NCOR2: variants seen among roughly 807,000 people sequenced by gnomAD.
NCOR2 encodes nuclear receptor corepressor 2.
A neutral mutation model predicts 262.9 loss-of-function variants in NCOR2; 81 were observed. That is an observed-to-expected ratio of 0.31 (90% CI 0.26 to 0.37). The LOEUF is 0.37. Among genes scored for constraint, NCOR2 ranks in the 10% least tolerant of loss-of-function variants. NCOR2 has a pLI of 1.00. For synonymous variants in NCOR2, 1,659 were observed against 1,559.3 expected, an observed-to-expected ratio of 1.06 and a Z score of -1.51; for missense variants, 3,385 against 3,621.4, an observed-to-expected ratio of 0.93 and a Z score of 1.68.
In NCOR2 at chr12:124,548,713, T is replaced by C. The variant is rs993918445; in HGVS notation, c.-164-13102A>G. On this transcript the variant is annotated intron_variant, in intron 1 of 32. Transcript: ENST00000458234. The surrounding 1 kb of genome is among the most constrained non-coding windows in gnomAD (Gnocchi z 5.1). ...CAGGGTCCCCACCCCAGGGATGTTT[T>C]TGGCTGCCCCATGACTGGCTCATGG... Among the ~76,000 whole-genome samples the C allele has an allele frequency of 2.0e-5, 3 of 152,074 alleles. No individual in the cohort carries two copies. The highest frequency in any genetic ancestry group is 4.8e-5 in the African/African-American group (2 of 41,394).
chr12:124,435,101 G>A (rs12578186), intron 8 of NCOR2, among the ~76,000 whole-genome samples: 7 of 152,168 alleles, frequency 4.6e-5, no homozygotes, highest in African/African-American at 1.7e-4. Flanking sequence ...TCCTGCCTCA[G>A]GGCCTCTGCA....
At chr12:124,399,538 A>G (rs2041882148) in intron 15 of NCOR2, among the ~76,000 whole-genome samples, 1 of 152,212 alleles carries the variant, frequency 6.6e-6, no homozygotes, top group Admixed American at 6.5e-5. Context: ...AACCCCAGCT[A>G]CAATGAAATT....
At chr12:124,420,437 G>A (rs1042019630) in intron 12 of NCOR2, among the ~76,000 whole-genome samples, 4 of 152,072 alleles carry the variant, frequency 2.6e-5, no homozygotes, top group Non-Finnish European at 2.9e-5. Context: ...GCCCACAGCC[G>A]GGCAAACTCA....
Position 124,503,910 on chromosome 12 carries a change from G to A in NCOR2, c.-117-8542C>T, listed in dbSNP as rs910668228. On this transcript the variant is annotated intron_variant, in intron 1 of 46. Coordinates refer to the NCOR2 transcript ENST00000404621. This position sits in a 1 kb window ranked among gnomAD's most constrained non-coding sequence, Gnocchi z 4.3. The stretch of plus-strand genomic sequence containing the variant: ...GTCTTCATCCTGCTAATATTCCCAG[G>A]CCCTCCCACATGCCCAGCTCCATGA... Among the ~76,000 whole-genome samples, 10 of 152,210 alleles carry A rather than the reference G, an allele frequency of 6.6e-5. No individual in the cohort carries two copies. The highest frequency in any genetic ancestry group is 3.9e-4 in the Admixed American group (6 of 15,302).
Position 124,430,850 on chromosome 12 carries a change from CT to C in NCOR2, c.883-64del, listed in dbSNP as rs1434442020. On this transcript the variant is annotated intron_variant, in intron 8 of 46. Transcript: ENST00000405201. ...GCACCTGGCACCCGCCGCCTCCCCC[CT>C]GCCCACTCACATGCAGGCAGACACA... The C allele has an allele frequency of 3.4e-5, 53 of 1,536,862 alleles. No homozygotes were observed. The East Asian group carries it at 7.0e-4, about 20-fold the overall frequency.
At position 124,503,078 on chromosome 12, in the gene NCOR2, G is replaced by A. The variant is rs1416397201; in HGVS notation, c.-117-7710C>T. ...AAATACTAAGAGCTCAATCCCGGGT[G>A]CCACCCACAAGGGTGCGGTCTGCCC... On this transcript the variant is annotated intron_variant, in intron 1 of 46. Transcript: ENST00000404621. This position sits in a 1 kb window ranked among gnomAD's most constrained non-coding sequence, Gnocchi z 4.3. Among the ~76,000 whole-genome samples the A allele has an allele frequency of 6.6e-6, 1 of 152,206 alleles. No individual in the cohort carries two copies. The highest frequency in any genetic ancestry group is 1.5e-5 in the Non-Finnish European group (1 of 68,038).
chr12:124,512,539 G>T (rs1332752781), intron 1 of NCOR2, among the ~76,000 whole-genome samples: 1 of 152,206 alleles, frequency 6.6e-6, no homozygotes, highest in Non-Finnish European at 1.5e-5. Context: ...GTCTCTCTCT[G>T]ACAGGGGCTG....
At chr12:124,436,252 T>C (rs2044331286) in intron 8 of NCOR2, among the ~76,000 whole-genome samples, 1 of 152,164 alleles carries the variant, frequency 6.6e-6, no homozygotes, top group African/African-American at 2.4e-5. Flanking sequence ...GCGCTGGGCA[T>C]GACTGAGCCA....
exon 47 of NCOR2, chr12:124,325,382 C>CCCCCG (rs1555297247): frequency 2.7e-5 from 11 of 412,908 alleles, no homozygotes; most frequent in African/African-American, 2.8e-5. Flanking sequence ...ACACCGCCCC[C>CCCCCG]CCCCCCGCCC....
intron 20 of NCOR2, among the ~76,000 whole-genome samples, chr12:124,370,948 G>A (rs1342387557): frequency 6.6e-6 from 1 of 152,110 alleles, no homozygotes; most frequent in Non-Finnish European, 1.5e-5. Flanking sequence ...GATGGGAGAT[G>A]AGCCACCAAA....
intron 19 of NCOR2, among the ~76,000 whole-genome samples, chr12:124,373,903 T>TGGACAACGAGGCCAGTGCGTGC (rs1566413165): frequency 1.1e-3 from 86 of 78,394 alleles, no homozygotes; most frequent in African/African-American, 3.6e-3. Context: ...CCAGTGCGTG[T>TGGACAACGAGGCCAGTGCGTGC]GCAGGGGCCC....
At position 124,531,839 on chromosome 12, in the gene NCOR2, C is replaced by T. The variant is rs1370106542; in HGVS notation, c.-118+3726G>A. On this transcript the variant is annotated intron_variant, in intron 1 of 46. Transcript: ENST00000404621. This position sits in a 1 kb window ranked among gnomAD's most constrained non-coding sequence, Gnocchi z 4.5. Reference sequence around the variant, plus strand: ...CCGAGACCCCAGCCCCCACCCACACCGGACCCCTCACCCCAATGTATAGAC... The same window carrying T: ...CCGAGACCCCAGCCCCCACCCACACTGGACCCCTCACCCCAATGTATAGAC... Among the ~76,000 whole-genome samples the T allele has an allele frequency of 5.3e-5, 8 of 151,794 alleles. No individual in the cohort carries two copies. The highest frequency in any genetic ancestry group is 1.3e-4 in the Admixed American group (2 of 15,266).
At chr12:124,534,993 C>T (rs1444770223) in intron 1 of NCOR2, among the ~76,000 whole-genome samples, 5 of 152,250 alleles carry the variant, frequency 3.3e-5, no homozygotes, top group Admixed American at 6.5e-5. Context: ...ATTGCCTCCC[C>T]GCCCAGTCTA....
rs528889998 is a variant in NCOR2 at position 124,481,852 on chromosome 12, T to C, written c.411+1744A>G. ...TCTGGCTGCTGCTTGGAAGATAAAC[T>C]GAAGGGAGTAGAGGGAGGCAGGAGC... On this transcript the variant is annotated intron_variant, in intron 3 of 46. Transcript: ENST00000405201. The surrounding 1 kb of genome is among the most constrained non-coding windows in gnomAD (Gnocchi z 4.6). 1.3e-5 allele frequency among the ~76,000 whole-genome samples: 2 copies of C among 151,972 alleles called. No homozygotes were observed. Among genetic ancestry groups the C allele is most frequent in the South Asian group, 2.1e-4 (1 of 4,804 alleles).
intron 11 of NCOR2, among the ~76,000 whole-genome samples, chr12:124,425,062 G>A (rs148064751): frequency 5.3e-5 from 8 of 152,308 alleles, no homozygotes; most frequent in Admixed American, 3.9e-4. Context: ...ATACAAATTC[G>A]TAAACTTTCT....
intron 27 of NCOR2, among the ~76,000 whole-genome samples, chr12:124,351,130 C>T (rs1249133895): frequency 6.6e-6 from 1 of 152,206 alleles, no homozygotes; most frequent in Non-Finnish European, 1.5e-5. Context: ...CCCAGGCATT[C>T]TGGTCCTGGA....
intron 16 of NCOR2, among the ~76,000 whole-genome samples, chr12:124,392,883 G>A (rs953773413): frequency 6.6e-6 from 1 of 152,256 alleles, no homozygotes; most frequent in Non-Finnish European, 1.5e-5. Flanking sequence ...GGCAGCTGGA[G>A]TCCTGGGGGA....
At chr12:124,326,893 A>G (rs2034705742) in intron 45 of NCOR2, among the ~76,000 whole-genome samples, 1 of 152,116 alleles carries the variant, frequency 6.6e-6, no homozygotes, top group African/African-American at 2.4e-5. Flanking sequence ...ATTGATGGGG[A>G]ACCAGGCTGA....
At chr12:124,550,426 C>T (rs996798335) in intron 1 of NCOR2, among the ~76,000 whole-genome samples, 6 of 152,286 alleles carry the variant, frequency 3.9e-5, no homozygotes, top group African/African-American at 1.4e-4. Context: ...GGAGTCTAAC[C>T]TACTGGGTCT....
Sources: allele counts gnomAD v4.1 joint callset (sites outside exome capture counted in the v4.1 genomes callset), GRCh38; gene constraint gnomAD v4.1.1; non-coding constraint Gnocchi (gnomAD v3.1); transcripts MANE v1.5; gene names NCBI Gene and HGNC (gene_info 2026-07-23, HGNC 2026-07-21).